The following SIAE variants were observed in gnomAD, a reference collection of about 807,000 sequenced individuals.
SIAE encodes the protein sialic acid acetylesterase.
A neutral mutation model predicts 52.6 loss-of-function variants in SIAE; 39 were observed. The ratio of observed to expected loss-of-function variants is 0.74; its 90% CI spans 0.57 to 0.97. The LOEUF is 0.97. Ranked by LOEUF, SIAE falls within the 50% of genes least tolerant of loss-of-function variation. The pLI is 0.00. For synonymous variants in SIAE, 233 were observed against 241.4 expected (o/e 0.97, Z 0.32); for missense variants, 592 against 662.1 (o/e 0.89, Z 1.16).
At position 124,660,738 on chromosome 11, in the gene SIAE, C is replaced by T; in HGVS notation, c.295G>A (p.Ala99Thr). ...MKPGGPFEVM[A>T]QQTLEKINFT... ...TTTATTTTCTCCAAAGTCTGTTGTGCCATCACTTCGAAAGGTCCTCCAGGC... is the reference window on the plus strand; with the variant it reads ...TTTATTTTCTCCAAAGTCTGTTGTGTCATCACTTCGAAAGGTCCTCCAGGC... Residue 99 changes from alanine to threonine, a missense_variant, in exon 3 of 10, where the codon GCA becomes ACA. Ala to Thr is a moderately conservative substitution (Grantham distance 58). Transcript: ENST00000263593. The T allele has an allele frequency of 3.7e-6, 6 of 1,614,174 alleles. No individual in the cohort carries two copies. Among genetic ancestry groups the T allele is most frequent in the Non-Finnish European group, 5.1e-6 (6 of 1,180,022 alleles).
chr11:124,660,923 G>A, intron 2 of SIAE, 120 bp from the exon 3 acceptor site: 1 of 1,156,624 alleles, frequency 8.6e-7, no homozygotes, highest in African/African-American at 1.5e-5. Flanking sequence ...AAGCTATGAA[G>A]ATTGGCCAAA....
upstream of SIAE, chr11:124,675,228 G>A (rs1943445010): frequency 3.1e-6 from 5 of 1,593,648 alleles, no homozygotes; most frequent in African/African-American, 2.7e-5. Context: ...ACTCTTTAAT[G>A]AATCTTTAGG....
chr11:124,675,060 T>G (rs1193608301), upstream of SIAE: 3 of 544,708 alleles, frequency 5.5e-6, no homozygotes, highest in Admixed American at 7.2e-5. Context: ...TGTATTATAC[T>G]AATTCACAAT....
intron 3 of SIAE, among the ~76,000 whole-genome samples, chr11:124,656,751 C>T (rs1211401125): frequency 1.3e-5 from 2 of 152,156 alleles, no homozygotes; most frequent in African/African-American, 2.4e-5. Context: ...TCCCCCTGGA[C>T]TGGCCCAGCT....
rs765183200 is a variant in SIAE at position 124,637,162 on chromosome 11, G to A, written c.1361C>T (p.Ala454Val). The A allele has an allele frequency of 1.2e-6, 2 of 1,614,092 alleles. No individual in the cohort carries two copies. The highest frequency in any genetic ancestry group is 1.7e-6 in the Non-Finnish European group (2 of 1,180,054). ...CSDHRCKWLPASMNTVSTQSL... is the reference protein window; with the variant it reads ...CSDHRCKWLPVSMNTVSTQSL... ...CTGGGTGGAGACGGTGTTCATAGAA[G>A]CTGGAAGCCACTTGCATCGATGGTC... Residue 454 changes from alanine to valine, a missense_variant, in exon 10 of 10, where the codon GCT becomes GTT. Physicochemically the swap from Ala to Val is moderately conservative, Grantham distance 64. Coordinates refer to ENST00000263593, the MANE Select transcript of SIAE (RefSeq NM_170601.5).
Position 124,656,798 on chromosome 11 carries a change from G to A in SIAE, c.406-2005C>T, listed in dbSNP as rs977584058. 7.2e-5 allele frequency among the ~76,000 whole-genome samples: 11 copies of A among 152,134 alleles called. 1 individual carries two copies. Among genetic ancestry groups the A allele is most frequent in the African/African-American group, 2.4e-4 (10 of 41,428 alleles). ...AAAGGGCCAACGGGAGCATCAGGAA[G>A]CCCAGTTACCGCTTGCCTCAGGGAG... is the stretch of plus-strand genomic sequence containing the variant. On this transcript the variant is annotated intron_variant, in intron 3 of 9. Coordinates refer to ENST00000263593, the MANE Select transcript of SIAE (RefSeq NM_170601.5).
intron 3 of SIAE, chr11:124,659,883 T>C (rs1007610858): frequency 3.3e-5 from 5 of 152,322 alleles, no homozygotes; most frequent in Non-Finnish European, 5.9e-5. Context: ...TCATAGAGTA[T>C]ACAAACATAT....
chr11:124,660,352 G>A, intron 3 of SIAE: 3 of 395,622 alleles, frequency 7.6e-6, no homozygotes, highest in Non-Finnish European at 1.4e-5. Context: ...ACTCAGTTTT[G>A]GAGAAAGTGC....
chr11:124,668,661 CATGG>C (rs1943304703), intron 2 of SIAE, among the ~76,000 whole-genome samples: 1 of 152,156 alleles, frequency 6.6e-6, no homozygotes, highest in African/African-American at 2.4e-5. Flanking sequence ...TAAACTGAGA[CATGG>C]AGATGTTATA....
At chr11:124,654,007 TC>T (rs2037207755) in intron 4 of SIAE, among the ~76,000 whole-genome samples, 1 of 152,038 alleles carries the variant, frequency 6.6e-6, no homozygotes, top group Admixed American at 6.6e-5. Flanking sequence ...TGAAACCCCA[TC>T]TCTACTACAA....
Position 124,648,158 on chromosome 11 carries a change from GA to G in SIAE, c.739del (p.Ser247LeufsTer2). The G allele has an allele frequency of 6.2e-7, 1 of 1,613,744 alleles. No homozygotes were observed. The highest frequency in any genetic ancestry group is 8.5e-7 in the Non-Finnish European group (1 of 1,179,708). ...VPKQGSIPYD[S>X]VTGPSKHSVL... ...AGAGTGCTTACTGGGACCAGTTACA[GA>G]ATCGTATGGAATGGACCTGAAATCA... On this transcript the variant is annotated frameshift_variant, in exon 6 of 10. Coordinates refer to ENST00000263593, the MANE Select transcript of SIAE (RefSeq NM_170601.5). LOFTEE classifies it high-confidence loss of function.
intron 2 of SIAE, among the ~76,000 whole-genome samples, chr11:124,661,706 G>GA (rs1216907499): frequency 4.0e-5 from 6 of 151,498 alleles, no homozygotes; most frequent in East Asian, 1.9e-4. Flanking sequence ...TGGGAAAATA[G>GA]AAAAAAAATG....
intron 4 of SIAE, chr11:124,654,415 A>G (rs1194422491): frequency 4.1e-6 from 4 of 985,290 alleles, no homozygotes; most frequent in Non-Finnish European, 4.8e-6. Context: ...GGGCCTTGAT[A>G]TTTTCACTGA....
intron 3 of SIAE, among the ~76,000 whole-genome samples, chr11:124,657,491 C>T (rs1286694828): frequency 6.6e-6 from 1 of 152,192 alleles, no homozygotes; most frequent in East Asian, 1.9e-4. Flanking sequence ...CAGTGAGACG[C>T]CAGCTTGGGA....
chr11:124,639,709 C>T lies in SIAE; in HGVS notation c.1124+1G>A. Reference sequence around the variant, plus strand: ...ATGCAAAGCCCAAGAAGCAATCATACCTGCCAAAAGGCGAGTCTCTATCAC... The same window carrying T: ...ATGCAAAGCCCAAGAAGCAATCATATCTGCCAAAAGGCGAGTCTCTATCAC... On this transcript the variant is annotated splice_donor_variant, in intron 8 of 9. Coordinates refer to ENST00000263593, the MANE Select transcript of SIAE (RefSeq NM_170601.5). LOFTEE classifies it high-confidence loss of function. 1 of 1,614,050 alleles carries T rather than the reference C, an allele frequency of 6.2e-7. No homozygotes were observed. The highest frequency in any genetic ancestry group is 8.5e-7 in the Non-Finnish European group (1 of 1,179,916).
chr11:124,667,890 C>T (rs937163046), intron 2 of SIAE, among the ~76,000 whole-genome samples: 1 of 152,140 alleles, frequency 6.6e-6, no homozygotes, highest in Non-Finnish European at 1.5e-5. Context: ...TCCTGAACAT[C>T]CCCACAGCCA....
At chr11:124,661,867 T>A (rs1021636665) in intron 2 of SIAE, among the ~76,000 whole-genome samples, 1 of 152,224 alleles carries the variant, frequency 6.6e-6, no homozygotes, top group Non-Finnish European at 1.5e-5. Context: ...ACATCCAATC[T>A]ATGGGAAATA....
chr11:124,649,502 C>T, intron 5 of SIAE, 117 bp downstream of exon 5: 1 of 1,085,948 alleles, frequency 9.2e-7, no homozygotes. Context: ...AAATTACATA[C>T]ATTCAACACA....
chr11:124,658,218 A>G (rs1176114154), intron 3 of SIAE, among the ~76,000 whole-genome samples: 1 of 150,908 alleles, frequency 6.6e-6, no homozygotes, highest in Non-Finnish European at 1.5e-5. Flanking sequence ...GGAGCAAAGC[A>G]TGCGTGTGAG....
Sources: allele counts gnomAD v4.1 joint callset (sites outside exome capture counted in the v4.1 genomes callset), GRCh38; gene constraint gnomAD v4.1.1; transcripts MANE v1.5; gene names NCBI Gene and HGNC (gene_info 2026-07-23, HGNC 2026-07-21).